Variants in EPHB2 observed in about 807,000 individuals in gnomAD.
EPHB2 encodes the protein EPH receptor B2.
In EPHB2, 18 loss-of-function variants were observed where a neutral mutation model predicts 96.4. The ratio of observed to expected loss-of-function variants is 0.19; its 90% CI spans 0.13 to 0.28. The LOEUF is 0.28. EPHB2 is among the 10% of genes least tolerant of loss of function. The pLI is 1.00. For synonymous variants in EPHB2, 506 were observed against 534.1 expected (o/e 0.95, Z 0.72); for missense variants, 989 against 1,355.4 (o/e 0.73, Z 4.25).
Position 22,913,689 on chromosome 1 carries a change from C to T in EPHB2, c.*119C>T, listed in dbSNP as rs765589824. On this transcript the variant is annotated 3_prime_UTR_variant, in exon 16 of 16. Transcript: ENST00000374630. This position sits in a 1 kb window ranked among gnomAD's most constrained non-coding sequence, Gnocchi z 4.1. ...CCACTCGCCAGGAGGCCACGGGCCACGGGAAGAACCAAGCGGTGCCAGCCA... is the reference window on the plus strand; with the variant it reads ...CCACTCGCCAGGAGGCCACGGGCCATGGGAAGAACCAAGCGGTGCCAGCCA... The T allele has an allele frequency of 1.9e-5, 31 of 1,602,680 alleles. No individual in the cohort carries two copies. The highest frequency in any genetic ancestry group is 3.3e-4 in the Middle Eastern group (2 of 6,074).
intron 3 of EPHB2, among the ~76,000 whole-genome samples, chr1:22,796,605 G>C (rs114694868): frequency 2.6e-5 from 4 of 152,306 alleles, no homozygotes; most frequent in African/African-American, 9.6e-5. Flanking sequence ...CAGCTTGCCA[G>C]CTTCACAGCT....
intron 6 of EPHB2, among the ~76,000 whole-genome samples, chr1:22,887,164 G>A (rs1413926106): frequency 1.3e-5 from 2 of 152,092 alleles, no homozygotes; most frequent in South Asian, 2.1e-4. Flanking sequence ...GGAAGAAAGC[G>A]GAGTTGATGA....
intron 3 of EPHB2, among the ~76,000 whole-genome samples, chr1:22,847,761 T>C (rs771094859): frequency 7.2e-6 from 1 of 138,474 alleles, no homozygotes; most frequent in Non-Finnish European, 1.5e-5. Context: ...TAATCCCAGA[T>C]CAACTGTCTC....
At chr1:22,712,246 G>A (rs1045398144) in intron 1 of EPHB2, among the ~76,000 whole-genome samples, 2 of 152,174 alleles carry the variant, frequency 1.3e-5, no homozygotes, top group East Asian at 1.9e-4. Context: ...TGAAAAGTCC[G>A]ATGTCTCACC....
At chr1:22,880,032 C>T (rs1190293099) in intron 5 of EPHB2, among the ~76,000 whole-genome samples, 2 of 151,908 alleles carry the variant, frequency 1.3e-5, no homozygotes, top group Non-Finnish European at 2.9e-5. Flanking sequence ...CCCAGGCCCA[C>T]GCTGGTCCCC....
At chr1:22,809,773 C>T (rs890156038) in intron 3 of EPHB2, among the ~76,000 whole-genome samples, 2 of 152,154 alleles carry the variant, frequency 1.3e-5, no homozygotes, top group African/African-American at 2.4e-5. Flanking sequence ...CAAGACTGCG[C>T]GAGGAGCAAG....
intron 3 of EPHB2, among the ~76,000 whole-genome samples, chr1:22,829,919 G>C (rs1423233905): frequency 6.6e-6 from 1 of 152,154 alleles, no homozygotes; most frequent in African/African-American, 2.4e-5. Context: ...AGCAATGAAG[G>C]CTCCAAGTGA....
chr1:22,726,373 C>T (rs1044270936), intron 1 of EPHB2, among the ~76,000 whole-genome samples: 1 of 151,972 alleles, frequency 6.6e-6, no homozygotes, highest in African/African-American at 2.4e-5. Flanking sequence ...TTCTGACATA[C>T]TCTAATTTAT....
intron 1 of EPHB2, among the ~76,000 whole-genome samples, chr1:22,719,764 C>T (rs1387174990): frequency 6.6e-6 from 1 of 152,156 alleles, no homozygotes; most frequent in Admixed American, 6.5e-5. Context: ...GGATTCAGTG[C>T]CCATTGCCAG....
intron 5 of EPHB2, among the ~76,000 whole-genome samples, chr1:22,880,998 A>G (rs999685400): frequency 2.0e-5 from 3 of 152,156 alleles, no homozygotes; most frequent in African/African-American, 7.2e-5. Flanking sequence ...CATGGCAGGC[A>G]TGGTGGCTCA....
chr1:22,750,476 C>G (rs149535375), intron 1 of EPHB2, among the ~76,000 whole-genome samples: 1 of 152,172 alleles, frequency 6.6e-6, no homozygotes, highest in Admixed American at 6.5e-5. Context: ...CAGGGGAACA[C>G]GGAAATGGCA....
chr1:22,870,305 G>A (rs1432215467), intron 5 of EPHB2, among the ~76,000 whole-genome samples: 9 of 152,066 alleles, frequency 5.9e-5, no homozygotes, highest in African/African-American at 7.2e-5. Flanking sequence ...TTCATGAGTC[G>A]TGCTCATGGC....
intron 1 of EPHB2, among the ~76,000 whole-genome samples, chr1:22,781,130 C>G (rs1441245900): frequency 6.6e-6 from 1 of 151,888 alleles, no homozygotes; most frequent in African/African-American, 2.4e-5. Flanking sequence ...ACCGTCCTGG[C>G]TAACACGGTG....
chr1:22,902,306 A>G (rs1639777146), intron 9 of EPHB2, among the ~76,000 whole-genome samples: 1 of 152,226 alleles, frequency 6.6e-6, no homozygotes, highest in Non-Finnish European at 1.5e-5. Context: ...TGGATTAAAA[A>G]CTATAAAGTG....
At position 22,910,566 on chromosome 1, in the gene EPHB2, T is replaced by A. The variant is rs773386960; in HGVS notation, c.2687T>A (p.Leu896His). 7 of 1,593,500 alleles carry A rather than the reference T, an allele frequency of 4.4e-6. No individual in the cohort carries two copies. The Admixed American group carries it at 6.8e-5, about 15-fold the overall frequency. The change falls in exon 14 of 16, where the codon CTC becomes CAC. Residue 896 changes from leucine to histidine, a missense_variant. Transcript: ENST00000374630. ...AACAGCCTCAAAGCCATGGCGCCCC[T>A]CTCCTCTGGGTAAGGCCCCACCCTG... ...NPNSLKAMAP[L>H]SSGINLPLLD...
chr1:22,857,467 G>A (rs780325923), intron 3 of EPHB2, among the ~76,000 whole-genome samples: 20 of 152,166 alleles, frequency 1.3e-4, no homozygotes, highest in South Asian at 4.1e-4. Flanking sequence ...TATGTGGCCC[G>A]ATGTCCAGGG....
intron 3 of EPHB2, among the ~76,000 whole-genome samples, chr1:22,810,568 T>C (rs1306720419): frequency 6.6e-6 from 1 of 151,934 alleles, no homozygotes; most frequent in African/African-American, 2.4e-5. Flanking sequence ...CATCCTAGAG[T>C]TCTCTGAGAG....
At chr1:22,836,523 T>C (rs915850090) in intron 3 of EPHB2, 3 of 152,258 alleles carry the variant, frequency 2.0e-5, no homozygotes, top group African/African-American at 7.2e-5. Flanking sequence ...GCGTAATGGC[T>C]ACTGCTAGGT....
At chr1:22,882,763 A>G (rs943011689) in intron 6 of EPHB2, 2 of 398,084 alleles carry the variant, frequency 5.0e-6, no homozygotes, top group African/African-American at 4.1e-5. Context: ...CCCTTTCCCT[A>G]CCACGACCCT....
Sources: allele counts gnomAD v4.1 joint callset (sites outside exome capture counted in the v4.1 genomes callset), GRCh38; gene constraint gnomAD v4.1.1; non-coding constraint Gnocchi (gnomAD v3.1); transcripts MANE v1.5; gene names NCBI Gene and HGNC (gene_info 2026-07-23, HGNC 2026-07-21).